The following VPS13D variants were observed in gnomAD, a reference collection of about 807,000 sequenced individuals.
VPS13D encodes the protein vacuolar protein sorting 13 homolog D, also known as intermembrane lipid transfer protein VPS13D.
In VPS13D, 187 loss-of-function variants were observed where a neutral mutation model predicts 461.9. The observed-to-expected ratio is 0.40, with a 90% CI of 0.36 to 0.46. The LOEUF (loss-of-function observed/expected upper bound fraction) is 0.46. VPS13D is among the 20% of genes least tolerant of loss of function. The pLI, the probability that VPS13D is intolerant of heterozygous loss-of-function variation, is 0.60. For synonymous variants in VPS13D, 1,951 were observed against 1,986.3 expected, an observed-to-expected ratio of 0.98 and a Z score of 0.47; for missense variants, 4,711 against 5,364.9, an observed-to-expected ratio of 0.88 and a Z score of 3.81.
At chr1:12,361,597 G>A (rs964889476) in intron 50 of VPS13D, among the ~76,000 whole-genome samples, 136 of 150,556 alleles carry the variant, frequency 9.0e-4, no homozygotes, top group Admixed American at 4.2e-3. Flanking sequence ...GGGTTTCACC[G>A]TTTTAGCCGG....
intron 36 of VPS13D, among the ~76,000 whole-genome samples, chr1:12,328,570 C>T (rs1038957821): frequency 1.3e-5 from 2 of 151,982 alleles, no homozygotes; most frequent in African/African-American, 2.4e-5. Context: ...GACGGAGTTT[C>T]GCTCTTGTTG....
intron 59 of VPS13D, among the ~76,000 whole-genome samples, chr1:12,385,722 A>G (rs1169893952): frequency 6.6e-6 from 1 of 152,192 alleles, no homozygotes; most frequent in Non-Finnish European, 1.5e-5. Context: ...GAGAGTGACA[A>G]GTTTGAAAAG....
chr1:12,278,578 A>G (rs1223008547), intron 19 of VPS13D, among the ~76,000 whole-genome samples: 1 of 152,114 alleles, frequency 6.6e-6, no homozygotes, highest in African/African-American at 2.4e-5. Flanking sequence ...CCCAGGCAGG[A>G]ATTTATTTTT....
chr1:12,430,501 C>T (rs2100295723), intron 65 of VPS13D, among the ~76,000 whole-genome samples: 1 of 152,302 alleles, frequency 6.6e-6, no homozygotes, highest in Non-Finnish European at 1.5e-5. Context: ...TGCAACATCC[C>T]AGTGGGGCCA....
intron 68 of VPS13D, chr1:12,500,388 T>A: frequency 7.4e-6 from 2 of 270,742 alleles, no homozygotes; most frequent in Non-Finnish European, 1.1e-5. Flanking sequence ...ATGGTGAAAT[T>A]AATTTTTCTT....
chr1:12,390,807 A>G (rs542938446), intron 60 of VPS13D, among the ~76,000 whole-genome samples: 3 of 152,310 alleles, frequency 2.0e-5, no homozygotes, highest in East Asian at 3.9e-4. Flanking sequence ...TGCTGAGCCC[A>G]TGCATAACCT....
At chr1:12,508,603 G>A (rs2100571397) in intron 69 of VPS13D, among the ~76,000 whole-genome samples, 1 of 151,688 alleles carries the variant, frequency 6.6e-6, no homozygotes, top group East Asian at 1.9e-4. Flanking sequence ...CCAGCTACTC[G>A]GGAGGCTGAG....
Position 12,305,270 on chromosome 1 carries a change from T to C in VPS13D, c.6439+542T>C, listed in dbSNP as rs72866637. Reference sequence around the variant, plus strand: ...CATTATTTTGGAGGCTTTTCTGGTTTTATGTATTTTTTTTTTCCCCTCAAG... The same window carrying C: ...CATTATTTTGGAGGCTTTTCTGGTTCTATGTATTTTTTTTTTCCCCTCAAG... On this transcript the variant is annotated intron_variant, in intron 26 of 69. Transcript: ENST00000620676. Among the ~76,000 whole-genome samples the C allele has an allele frequency of 4.1e-3, 627 of 152,208 alleles. 5 individuals carry two copies. The highest frequency in any genetic ancestry group is 0.014 in the African/African-American group (591 of 41,530).
Position 12,507,927 on chromosome 1 carries a change from A to G in VPS13D, c.13035+834A>G, listed in dbSNP as rs1646134603. Among the ~76,000 whole-genome samples, 1 of 152,248 alleles carries G rather than the reference A, an allele frequency of 6.6e-6. No homozygotes were observed. Among genetic ancestry groups the G allele is most frequent in the South Asian group, 2.1e-4 (1 of 4,830 alleles). ...ATTTTGAAGCTTGCATTCAAGAATG[A>G]TACATTAATCAAAAGGGCCTGCCCA... On this transcript the variant is annotated intron_variant, in intron 69 of 69. Coordinates refer to ENST00000620676, the MANE Select transcript of VPS13D (RefSeq NM_015378.4). The surrounding 1 kb of genome is among the most constrained non-coding windows in gnomAD (Gnocchi z 5.3).
In VPS13D at chr1:12,505,336, G is replaced by T. The variant is rs1203312826; in HGVS notation, c.12795-1517G>T. 6.6e-6 allele frequency among the ~76,000 whole-genome samples: 1 copy of T among 152,240 alleles called. No individual in the cohort carries two copies. The highest frequency in any genetic ancestry group is 2.4e-5 in the African/African-American group (1 of 41,468). On this transcript the variant is annotated intron_variant, in intron 68 of 69. Coordinates refer to ENST00000620676, the MANE Select transcript of VPS13D (RefSeq NM_015378.4). The surrounding 1 kb of genome is among the most constrained non-coding windows in gnomAD (Gnocchi z 4.2). ...CAGTGATGCTGCCGCTCTCAATGCG[G>T]TTAGAGCGCAAGATGTGAGAACGTC...
chr1:12,431,421 G>T (rs1057192204), intron 65 of VPS13D, among the ~76,000 whole-genome samples: 1 of 150,188 alleles, frequency 6.7e-6, no homozygotes, highest in African/African-American at 2.5e-5. Context: ...TAGTCACAGG[G>T]CTAGCCCTCA....
chr1:12,423,990 G>GTATGAC (rs1644893871), intron 65 of VPS13D, among the ~76,000 whole-genome samples: 1 of 152,144 alleles, frequency 6.6e-6, no homozygotes, highest in African/African-American at 2.4e-5. Context: ...ACTTGTATCT[G>GTATGAC]TTTTTGTCAT....
chr1:12,383,216 C>T (rs746088051), intron 58 of VPS13D, 61 bp downstream of exon 58: 4 of 1,485,440 alleles, frequency 2.7e-6, no homozygotes, highest in Non-Finnish European at 9.1e-7. Flanking sequence ...CCAATGATTA[C>T]TCATTTAACA....
chr1:12,460,156 C>T, intron 66 of VPS13D, 45 bp from the exon 67 acceptor site: 1 of 1,483,954 alleles, frequency 6.7e-7, no homozygotes. Flanking sequence ...AATGCTTTTG[C>T]TTTTGTCCTC....
chr1:12,238,188 C>T (rs1640222733), intron 2 of VPS13D, among the ~76,000 whole-genome samples: 1 of 131,980 alleles, frequency 7.6e-6, no homozygotes, highest in African/African-American at 3.0e-5. Flanking sequence ...TATATATCTC[C>T]CCCCCAAAAT....
At chr1:12,479,417 G>T (rs183854355) in intron 67 of VPS13D, among the ~76,000 whole-genome samples, 4 of 152,324 alleles carry the variant, frequency 2.6e-5, no homozygotes. Context: ...TGCCTCTTAG[G>T]CAGACACCTG....
intron 24 of VPS13D, among the ~76,000 whole-genome samples, chr1:12,295,750 C>A (rs1642259015): frequency 6.6e-6 from 1 of 152,120 alleles, no homozygotes; most frequent in African/African-American, 2.4e-5. Flanking sequence ...CATCTGTGAA[C>A]CCACCTCTAA....
At chr1:12,361,721 A>AT (rs1357378669) in intron 50 of VPS13D, among the ~76,000 whole-genome samples, 1 of 152,050 alleles carries the variant, frequency 6.6e-6, no homozygotes, top group Non-Finnish European at 1.5e-5. Flanking sequence ...AAAAATTGTT[A>AT]TCAGAGTTTT....
chr1:12,356,280 C>T, intron 48 of VPS13D, 118 bp from the exon 49 acceptor site: 1 of 1,416,078 alleles, frequency 7.1e-7, no homozygotes, highest in Non-Finnish European at 9.4e-7. Context: ...AAACTGAGCC[C>T]ACTAAATAGA....
Sources: gnomAD v4.1 joint callset for allele counts (sites outside exome capture counted in the v4.1 genomes callset) on GRCh38, gnomAD v4.1.1 for gene constraint, Gnocchi (gnomAD v3.1) non-coding constraint, MANE v1.5 for transcripts, NCBI Gene and HGNC (gene_info 2026-07-23, HGNC 2026-07-21) for gene names.